Variants in ZBTB46 observed in about 807,000 individuals in gnomAD.
ZBTB46 encodes the protein zinc finger and BTB domain containing 46, also known as zinc finger and BTB domain-containing protein 46.
A neutral mutation model predicts 44.1 loss-of-function variants in ZBTB46; 8 were observed. The observed-to-expected ratio is 0.18, with a 90% CI of 0.11 to 0.33. The LOEUF (loss-of-function observed/expected upper bound fraction) is 0.33, where lower values mean the gene tolerates loss of function less well. Among genes scored for constraint, ZBTB46 ranks in the 10% least tolerant of loss-of-function variants. The probability of loss-of-function intolerance (pLI) is 1.00; values close to 1 mark genes in which losing one functional copy is unlikely to be tolerated. For synonymous variants in ZBTB46, 409 were observed against 382.3 expected (o/e 1.07, Z -0.81); for missense variants, 651 against 847.7 (o/e 0.77, Z 2.88).
In ZBTB46 at chr20:63,830,985, G is replaced by A. The variant is rs995075961; in HGVS notation, c.-34+112C>T. The A allele has an allele frequency of 2.4e-4, 34 of 143,008 alleles. No homozygotes were observed. In the Middle Eastern group the frequency reaches 0.015, roughly 64 times the overall value. 8.9% of individuals were successfully genotyped at this position (143,008 alleles called of 1,614,324 possible). The stretch of plus-strand genomic sequence containing the variant: ...GGGGCGTGGCGGGGCGGCCGGCGGC[G>A]GGGGCGCGCCCGGGCTCGCAGCGGC... On this transcript the variant is annotated intron_variant, in intron 1 of 4. Coordinates refer to ENST00000245663, the MANE Select transcript of ZBTB46 (RefSeq NM_001369741.1).
intron 1 of ZBTB46, among the ~76,000 whole-genome samples, chr20:63,792,427 G>GGCCGGT (rs1462525669): frequency 6.6e-6 from 1 of 152,088 alleles, no homozygotes; most frequent in African/African-American, 2.4e-5. Flanking sequence ...TGGGGGACGG[G>GGCCGGT]GTCGGGGGCT....
At position 63,746,894 on chromosome 20, in the gene ZBTB46, G is replaced by T; in HGVS notation, c.*36C>A. 1 of 1,488,260 alleles carries T rather than the reference G, an allele frequency of 6.7e-7. No homozygotes were observed. The highest frequency in any genetic ancestry group is 1.3e-5 in the South Asian group (1 of 74,544). 92.2% of individuals were successfully genotyped at this position (1,488,260 alleles called of 1,614,324 possible). A position where few individuals can be genotyped will look rare whatever the true frequency, so the allele number is the denominator to read the frequency against. On this transcript the variant is annotated 3_prime_UTR_variant, in exon 5 of 5. Transcript: ENST00000245663. Reference sequence around the variant, plus strand: ...CACCGGACACACACACGGGTGGACGGAGCGAGGCAGCCACCGACCCTGCCG... The same window carrying T: ...CACCGGACACACACACGGGTGGACGTAGCGAGGCAGCCACCGACCCTGCCG...
rs2092422029 is a variant in ZBTB46 at position 63,775,911 on chromosome 20, C to G, written c.989G>C (p.Arg330Thr). 6.2e-7 allele frequency: 1 copy of G among 1,603,602 alleles called. No homozygotes were observed. The highest frequency in any genetic ancestry group is 1.1e-5 in the South Asian group (1 of 90,516). The change falls in exon 3 of 5, where the codon AGG (arginine) becomes ACG (threonine). Residue 330 changes from arginine (R) to threonine (T), a missense_variant. Transcript: ENST00000245663. ...EASSSDSRGE[R>T]AELYAQVEEG... ...CTCCACCTGTGCATAGAGCTCGGCC[C>G]TCTCTCCTCGGCTGTCGGAGCTGCT...
intron 3 of ZBTB46, among the ~76,000 whole-genome samples, chr20:63,760,590 A>G (rs6011089): frequency 0.52 from 77,833 of 151,012 alleles, 20,983 homozygotes; most frequent in African/African-American, 0.66. Context: ...CCGAGTAGCT[A>G]GGATTACAGG....
At chr20:63,750,940 C>T (rs899597804) in intron 4 of ZBTB46, among the ~76,000 whole-genome samples, 2 of 151,922 alleles carry the variant, frequency 1.3e-5, no homozygotes, top group African/African-American at 4.8e-5. Flanking sequence ...CCCTATCCAA[C>T]GAGAAGGAAC....
chr20:63,764,980 G>A (rs1246799796), intron 3 of ZBTB46, among the ~76,000 whole-genome samples: 3 of 151,300 alleles, frequency 2.0e-5, no homozygotes, highest in Non-Finnish European at 4.4e-5. Flanking sequence ...GTGCAATGGC[G>A]CGGTCTCGGC....
At chr20:63,832,843 G>A (rs140407776), upstream of ZBTB46, among the ~76,000 whole-genome samples, 12 of 152,240 alleles carry the variant, frequency 7.9e-5, no homozygotes, top group African/African-American at 2.6e-4. The surrounding 1 kb of genome is among the most constrained non-coding windows in gnomAD (Gnocchi z 5.0). Flanking sequence ...TTCCAGGAGG[G>A]TCTGGCGGGT....
chr20:63,762,549 G>T (rs571596210), intron 3 of ZBTB46, among the ~76,000 whole-genome samples: 1 of 152,212 alleles, frequency 6.6e-6, no homozygotes, highest in South Asian at 2.1e-4. Context: ...AGCTACTTGG[G>T]AGGCTGAGGC....
In ZBTB46 at chr20:63,752,999, A is replaced by C. The variant is rs1340848883; in HGVS notation, c.1223-138T>G. 1.1e-6 allele frequency: 1 copy of C among 891,082 alleles called. No homozygotes were observed. Among genetic ancestry groups the C allele is most frequent in the African/African-American group, 1.7e-5 (1 of 58,318 alleles). The allele number at this position is 891,082 out of a possible 1,614,324, so 55.2% of individuals were successfully genotyped here. ...GGCCACCCACTGGGGGCTGGTCAGC[A>C]CTGCGACAGGCCAGGCTCCCCCACC... On this transcript the variant is annotated intron_variant, in intron 3 of 4. Coordinates refer to ENST00000245663, the MANE Select transcript of ZBTB46 (RefSeq NM_001369741.1). This position sits in a 1 kb window ranked among gnomAD's most constrained non-coding sequence, Gnocchi z 5.6.
chr20:63,763,544 C>G (rs1329862499), intron 3 of ZBTB46, among the ~76,000 whole-genome samples: 15 of 152,064 alleles, frequency 9.9e-5, no homozygotes, highest in Non-Finnish European at 4.4e-5. Context: ...GGGGGAGGTG[C>G]CACACGCTTT....
At chr20:63,822,958 C>A (rs901055598) in intron 1 of ZBTB46, among the ~76,000 whole-genome samples, 1 of 151,740 alleles carries the variant, frequency 6.6e-6, no homozygotes, top group Non-Finnish European at 1.5e-5. Context: ...CTCAGGAGTT[C>A]GAGACCAGCC....
chr20:63,816,350 C>T (rs1202519625), intron 1 of ZBTB46: 1 of 147,966 alleles, frequency 6.8e-6, no homozygotes, highest in South Asian at 7.8e-5. Context: ...TCTCTCCTCA[C>T]AGGCTCACAT....
intron 1 of ZBTB46, among the ~76,000 whole-genome samples, chr20:63,801,458 G>T (rs1160773847): frequency 6.6e-6 from 1 of 152,230 alleles, no homozygotes; most frequent in Non-Finnish European, 1.5e-5. Context: ...TCAGCAAGAT[G>T]TGGGTGGGGC....
intron 3 of ZBTB46, among the ~76,000 whole-genome samples, chr20:63,758,697 G>C (rs1464294640): frequency 6.6e-6 from 1 of 150,546 alleles, no homozygotes; most frequent in South Asian, 2.1e-4. Context: ...AACCAGAATT[G>C]TGCTGACCCA....
At chr20:63,812,657 T>C (rs2092724207) in intron 1 of ZBTB46, among the ~76,000 whole-genome samples, 1 of 152,258 alleles carries the variant, frequency 6.6e-6, no homozygotes, top group Admixed American at 6.5e-5. Flanking sequence ...CAGGCGCCTG[T>C]AATCCCAACT....
intron 1 of ZBTB46, 23 bp downstream of exon 1, chr20:63,831,074 G>A (rs2146121377): frequency 7.1e-6 from 1 of 139,926 alleles, no homozygotes; most frequent in South Asian, 2.2e-4. Context: ...CGGCCGCGCG[G>A]ACAATGAGCC....
intron 3 of ZBTB46, among the ~76,000 whole-genome samples, chr20:63,758,855 C>T (rs992504906): frequency 5.3e-5 from 8 of 152,200 alleles, no homozygotes; most frequent in African/African-American, 1.7e-4. Flanking sequence ...CCTCAGCCTC[C>T]CGAGTAGCTG....
intron 2 of ZBTB46, among the ~76,000 whole-genome samples, chr20:63,779,637 G>C (rs2092453383): frequency 6.6e-6 from 1 of 151,866 alleles, no homozygotes; most frequent in South Asian, 2.1e-4. Context: ...AGCCAAGATG[G>C]TCTCGATCTC....
intron 4 of ZBTB46, among the ~76,000 whole-genome samples, chr20:63,751,933 C>T (rs551526239): frequency 2.0e-4 from 30 of 152,258 alleles, no homozygotes; most frequent in African/African-American, 6.3e-4. Flanking sequence ...GATTCCTAAA[C>T]TGGCAGCGAT....
Sources: allele counts gnomAD v4.1 joint callset (sites outside exome capture counted in the v4.1 genomes callset), GRCh38; gene constraint gnomAD v4.1.1; non-coding constraint Gnocchi (gnomAD v3.1); transcripts MANE v1.5; gene names NCBI Gene and HGNC (gene_info 2026-07-23, HGNC 2026-07-21).